ZMYM2: variants seen among roughly 807,000 people sequenced by gnomAD.
The protein encoded by ZMYM2 is zinc finger MYM-type containing 2, also known as zinc finger MYM-type protein 2.
Under a neutral mutation model 162.8 loss-of-function variants are expected in ZMYM2, and 56 were observed. That is an observed-to-expected ratio of 0.34 (90% CI 0.28 to 0.43). The LOEUF is 0.43. Among genes scored for constraint, ZMYM2 ranks in the 20% least tolerant of loss-of-function variants. The probability of loss-of-function intolerance (pLI) is 1.00; values close to 1 mark genes in which losing one functional copy is unlikely to be tolerated. For synonymous variants in ZMYM2, 510 were observed against 541.6 expected (o/e 0.94, Z 0.81); for missense variants, 1,275 against 1,621.8 (o/e 0.79, Z 3.67).
the ZMYM2 span, among the ~76,000 whole-genome samples, chr13:19,947,350 A>G: frequency 3.3e-5 from 5 of 151,514 alleles, no homozygotes; most frequent in Admixed American, 3.3e-4. Context: ...GTGAGCCACC[A>G]CGCCCAGCCC....
At chr13:19,963,597 C>T (rs1247790555) in intron 2 of ZMYM2, among the ~76,000 whole-genome samples, 1 of 151,788 alleles carries the variant, frequency 6.6e-6, no homozygotes, top group Non-Finnish European at 1.5e-5. Context: ...TCTTTGATGT[C>T]TCTTACTAAA....
At chr13:19,887,610 G>A in the ZMYM2 span, among the ~76,000 whole-genome samples, 9 of 151,294 alleles carry the variant, frequency 5.9e-5, no homozygotes, top group South Asian at 1.5e-3. Flanking sequence ...AAGAAACCTC[G>A]TGATTTTTGA....
intron 2 of ZMYM2, among the ~76,000 whole-genome samples, chr13:19,970,989 A>T (rs1294470031): frequency 6.6e-6 from 1 of 151,976 alleles, no homozygotes; most frequent in Non-Finnish European, 1.5e-5. Flanking sequence ...AGATCCTGAG[A>T]TGAGGAGCTT....
chr13:19,985,141 T>A (rs1949029531), intron 2 of ZMYM2, among the ~76,000 whole-genome samples: 1 of 152,200 alleles, frequency 6.6e-6, no homozygotes, highest in African/African-American at 2.4e-5. Flanking sequence ...TTGTTGTTGT[T>A]GAGACGGGGT....
intron 18 of ZMYM2, among the ~76,000 whole-genome samples, chr13:20,063,948 T>TAA (rs1956475187): frequency 6.9e-6 from 1 of 145,752 alleles, no homozygotes; most frequent in Non-Finnish European, 1.5e-5. Context: ...TTTATATATA[T>TAA]AATATATATA....
intron 23 of ZMYM2, 51 bp downstream of exon 23, chr13:20,083,083 A>G: frequency 8.8e-6 from 13 of 1,474,274 alleles, no homozygotes; most frequent in Non-Finnish European, 1.2e-5. Flanking sequence ...TTTTTTTGAG[A>G]CAGAGTTTCA....
chr13:19,999,984 G>A (rs1950274643), intron 3 of ZMYM2, among the ~76,000 whole-genome samples: 1 of 152,076 alleles, frequency 6.6e-6, no homozygotes, highest in Admixed American at 6.5e-5. Context: ...AATATTTTTT[G>A]TGGAGACAGG....
the ZMYM2 span, among the ~76,000 whole-genome samples, chr13:19,865,949 G>C: frequency 1.3e-5 from 2 of 152,102 alleles, no homozygotes; most frequent in Non-Finnish European, 1.5e-5. Flanking sequence ...CCTTTGAATC[G>C]TACTTTATTA....
the ZMYM2 span, among the ~76,000 whole-genome samples, chr13:19,884,892 T>C: frequency 6.6e-6 from 1 of 152,144 alleles, no homozygotes; most frequent in Non-Finnish European, 1.5e-5. Context: ...TATTCCCTTA[T>C]TTGGCCCGGC....
At chr13:19,881,280 T>TC in the ZMYM2 span, among the ~76,000 whole-genome samples, 1 of 152,166 alleles carries the variant, frequency 6.6e-6, no homozygotes, top group East Asian at 1.9e-4. Context: ...TATTACTTTT[T>TC]CTTGCTTAAT....
At chr13:20,063,710 G>A (rs113625512) in intron 18 of ZMYM2, among the ~76,000 whole-genome samples, 21,517 of 147,760 alleles carry the variant, frequency 0.15, 2,916 homozygotes, top group African/African-American at 0.36. Flanking sequence ...CTCAGGAGGC[G>A]GAGGTTGCAG....
chr13:20,084,109 T>G (rs763669389), intron 24 of ZMYM2, among the ~76,000 whole-genome samples: 1 of 152,186 alleles, frequency 6.6e-6, no homozygotes, highest in Non-Finnish European at 1.5e-5. Flanking sequence ...ACTCCTGGGC[T>G]TAAGCCATCC....
At chr13:19,941,828 C>T in the ZMYM2 span, among the ~76,000 whole-genome samples, 7 of 142,392 alleles carry the variant, frequency 4.9e-5, no homozygotes, top group East Asian at 1.6e-3. Context: ...GTGCTCACTA[C>T]AGCCTTGACC....
the ZMYM2 span, among the ~76,000 whole-genome samples, chr13:19,884,625 G>A: frequency 1.3e-5 from 2 of 152,140 alleles, no homozygotes; most frequent in African/African-American, 4.8e-5. Context: ...AGCTGTTAAA[G>A]GTGACACGTA....
At chr13:19,873,444 T>C in the ZMYM2 span, among the ~76,000 whole-genome samples, 1 of 151,290 alleles carries the variant, frequency 6.6e-6, no homozygotes, top group Admixed American at 6.6e-5. Context: ...AGTCTTGCTC[T>C]GTCGCCCAGG....
At chr13:19,975,638 A>C (rs1326067139) in intron 2 of ZMYM2, among the ~76,000 whole-genome samples, 6 of 152,184 alleles carry the variant, frequency 3.9e-5, no homozygotes, top group Non-Finnish European at 7.3e-5. Context: ...ATTGTTGTAC[A>C]GGTATCTATT....
At chr13:19,992,291 G>T (rs960351420) in intron 2 of ZMYM2, among the ~76,000 whole-genome samples, 1 of 152,238 alleles carries the variant, frequency 6.6e-6, no homozygotes, top group Non-Finnish European at 1.5e-5. Context: ...AATGGCCCAT[G>T]CCTGTAATCC....
intron 2 of ZMYM2, among the ~76,000 whole-genome samples, chr13:19,990,858 C>T (rs1949544562): frequency 6.6e-6 from 1 of 152,146 alleles, no homozygotes; most frequent in East Asian, 1.9e-4. Flanking sequence ...ATCCTATCTA[C>T]AATTTAATCT....
chr13:19,866,127 C>T, the ZMYM2 span, among the ~76,000 whole-genome samples: 1 of 151,580 alleles, frequency 6.6e-6, no homozygotes, highest in Non-Finnish European at 1.5e-5. Context: ...GAGGCTGAGG[C>T]AGGAGAATCA....
Sources: allele counts gnomAD v4.1 joint callset (sites outside exome capture counted in the v4.1 genomes callset), GRCh38; gene constraint gnomAD v4.1.1; transcripts MANE v1.5; gene names NCBI Gene and HGNC (gene_info 2026-07-23, HGNC 2026-07-21).